TMEM230: variants seen among roughly 807,000 people sequenced by gnomAD.
The protein encoded by TMEM230 is UPF0414 transmembrane protein C20orf30.
A neutral mutation model predicts 15.8 loss-of-function variants in TMEM230; 10 were observed. The observed-to-expected ratio is 0.63, with a 90% CI of 0.39 to 1.07. TMEM230 has a LOEUF of 1.07. Ranked by LOEUF, TMEM230 falls within the 50% of genes least tolerant of loss-of-function variation. The pLI, the probability that TMEM230 is intolerant of heterozygous loss-of-function variation, is 0.01. For missense variants in TMEM230, 165 were observed against 193.3 expected, an observed-to-expected ratio of 0.85 and a Z score of 0.87; for synonymous variants, 67 against 76.9, an observed-to-expected ratio of 0.87 and a Z score of 0.68.
At chr20:5,111,829 ATTGT>A (rs1405667864) in intron 1 of TMEM230, 4 of 970,308 alleles carry the variant, frequency 4.1e-6, no homozygotes, top group Non-Finnish European at 3.7e-6. Context: ...AAAATAACAA[ATTGT>A]TTTTCTTTTT....
chr20:5,074,660 C>T (rs1045377543), intron 3 of TMEM230, among the ~76,000 whole-genome samples: 11 of 151,996 alleles, frequency 7.2e-5, no homozygotes, highest in Admixed American at 4.6e-4. Flanking sequence ...TAGAGGAGAC[C>T]GGGCATGGTG....
At chr20:5,111,830 T>C in intron 1 of TMEM230, 31 of 971,434 alleles carry the variant, frequency 3.2e-5, no homozygotes, top group Non-Finnish European at 3.8e-5. Flanking sequence ...AAATAACAAA[T>C]TGTTTTTCTT....
the TMEM230 span, among the ~76,000 whole-genome samples, chr20:5,059,352 C>T: frequency 6.6e-6 from 1 of 151,966 alleles, no homozygotes; most frequent in Non-Finnish European, 1.5e-5. Flanking sequence ...AAATTCTCAA[C>T]AACAAATACA....
chr20:5,111,915 C>A (rs1415525685), intron 1 of TMEM230: 2 of 342,264 alleles, frequency 5.8e-6, no homozygotes, highest in Admixed American at 1.3e-4. Flanking sequence ...GACCCGATCT[C>A]AGCTCACTGC....
intron 3 of TMEM230, among the ~76,000 whole-genome samples, chr20:5,087,992 C>T (rs2089398049): frequency 8.3e-6 from 1 of 120,840 alleles, no homozygotes; most frequent in African/African-American, 3.1e-5. Flanking sequence ...CACACCCAGC[C>T]AGGATATACC....
At chr20:5,080,316 T>G (rs1321956765) in intron 3 of TMEM230, among the ~76,000 whole-genome samples, 2 of 152,222 alleles carry the variant, frequency 1.3e-5, no homozygotes, top group Non-Finnish European at 2.9e-5. Flanking sequence ...TATGATTAGT[T>G]GCTCATCTTT....
rs925436151 is a variant in TMEM230 at position 5,081,878 on chromosome 20, T to C, written c.223-12529A>G. 5.3e-3 allele frequency among the ~76,000 whole-genome samples: 229 copies of C among 43,400 alleles called. 2 individuals are homozygous for C. Among genetic ancestry groups the C allele is most frequent in the South Asian group, 0.015 (5 of 340 alleles). The allele number at this position is 43,400 out of a possible 152,430, so 28.5% of individuals were successfully genotyped here. The stretch of plus-strand genomic sequence containing the variant: ...TCACTGATTTTCTTTTTTTTCTTTT[T>C]TTTTTTTTTTTTTTAGACAGAGTCT... On this transcript the variant is annotated intron_variant, in intron 3 of 3. Coordinates refer to the TMEM230 transcript ENST00000612323.
intron 3 of TMEM230, among the ~76,000 whole-genome samples, chr20:5,078,117 A>T (rs2122578348): frequency 6.6e-6 from 1 of 152,282 alleles, no homozygotes; most frequent in African/African-American, 2.4e-5. Flanking sequence ...GAGGATGCAG[A>T]CATGTCAATT....
At chr20:5,099,377 G>A (rs1352170579), downstream of TMEM230, among the ~76,000 whole-genome samples, 1 of 151,926 alleles carries the variant, frequency 6.6e-6, no homozygotes, top group Non-Finnish European at 1.5e-5. Flanking sequence ...AGGCACTCTA[G>A]ATTACTGGAC....
intron 3 of TMEM230, among the ~76,000 whole-genome samples, chr20:5,108,155 C>T (rs2090167570): frequency 6.6e-6 from 1 of 152,034 alleles, no homozygotes. Context: ...CAAGGTGGCT[C>T]ACGCCTATAA....
chr20:5,101,892 A>C (rs907263835), intron 4 of TMEM230, among the ~76,000 whole-genome samples: 3 of 152,224 alleles, frequency 2.0e-5, no homozygotes, highest in African/African-American at 7.2e-5. Flanking sequence ...TACTGTAAGA[A>C]GGAACTGACT....
At chr20:5,104,813 C>A (rs989025704) in intron 4 of TMEM230, among the ~76,000 whole-genome samples, 3 of 151,958 alleles carry the variant, frequency 2.0e-5, no homozygotes, top group Non-Finnish European at 2.9e-5. Flanking sequence ...TTTGCGGGAA[C>A]TAAAAATTAA....
chr20:5,063,139 G>A, the TMEM230 span, among the ~76,000 whole-genome samples: 5 of 152,066 alleles, frequency 3.3e-5, no homozygotes, highest in South Asian at 8.3e-4. Flanking sequence ...CTGTCTCAAC[G>A]CAGTAACTGG....
intron 3 of TMEM230, among the ~76,000 whole-genome samples, chr20:5,073,671 T>C (rs1208538575): frequency 6.6e-6 from 1 of 152,240 alleles, no homozygotes; most frequent in African/African-American, 2.4e-5. Context: ...TGGGGGAGAC[T>C]GAACAACGGC....
chr20:5,073,714 C>G (rs771960564), intron 3 of TMEM230, among the ~76,000 whole-genome samples: 2 of 152,200 alleles, frequency 1.3e-5, no homozygotes, highest in African/African-American at 2.4e-5. Context: ...TTAGACTGTC[C>G]TCCTTGAAGG....
In TMEM230 at chr20:5,100,755, T is replaced by C; in HGVS notation, c.*36A>G. 1 of 1,610,866 alleles carries C rather than the reference T, an allele frequency of 6.2e-7. No individual in the cohort carries two copies. The highest frequency in any genetic ancestry group is 8.5e-7 in the Non-Finnish European group (1 of 1,178,942). Reference sequence around the variant, plus strand: ...GCTAGATATCTTAAAGCTGGGACAGTTCCACTGTGACTCCTCCTCAGCTAT... The same window carrying C: ...GCTAGATATCTTAAAGCTGGGACAGCTCCACTGTGACTCCTCCTCAGCTAT... On this transcript the variant is annotated 3_prime_UTR_variant, in exon 5 of 5. Coordinates refer to ENST00000342308, the MANE Select transcript of TMEM230 (RefSeq NM_001009923.2).
At chr20:5,098,510 C>T (rs1171009083), downstream of TMEM230, 1 of 152,048 alleles carries the variant, frequency 6.6e-6, no homozygotes, top group Non-Finnish European at 1.5e-5. Context: ...CCAAATAATA[C>T]AACTATGGTC....
At chr20:5,060,491 G>A in the TMEM230 span, among the ~76,000 whole-genome samples, 63 of 151,788 alleles carry the variant, frequency 4.2e-4, 1 homozygote, top group African/African-American at 1.4e-3. Context: ...AATAGACCAC[G>A]ACGCCCAGCT....
intron 3 of TMEM230, among the ~76,000 whole-genome samples, chr20:5,073,024 G>C (rs1283883146): frequency 6.6e-6 from 1 of 152,110 alleles, no homozygotes; most frequent in Admixed American, 6.6e-5. Flanking sequence ...AGGGGAAACA[G>C]TAAGGGAATG....
Sources: allele counts gnomAD v4.1 joint callset (sites outside exome capture counted in the v4.1 genomes callset), GRCh38; gene constraint gnomAD v4.1.1; transcripts MANE v1.5; gene names NCBI Gene and HGNC (gene_info 2026-07-23, HGNC 2026-07-21).